KCNH7: variants seen among roughly 807,000 people sequenced by gnomAD.
KCNH7 encodes the protein potassium voltage-gated channel subfamily H member 7.
KCNH7 carries 49 observed loss-of-function variants against 120.8 expected under a neutral mutation model. That is an observed-to-expected ratio of 0.41 (90% CI 0.32 to 0.51). The LOEUF (loss-of-function observed/expected upper bound fraction) is 0.51, where lower values mean the gene tolerates loss of function less well. Ranked by LOEUF, KCNH7 falls within the 20% of genes least tolerant of loss-of-function variation. The pLI, the probability that KCNH7 is intolerant of heterozygous loss-of-function variation, is 0.38. For missense variants in KCNH7, 1,097 were observed against 1,446.6 expected, an observed-to-expected ratio of 0.76 and a Z score of 3.92; for synonymous variants, 547 against 516.1, an observed-to-expected ratio of 1.06 and a Z score of -0.81.
chr2:162,687,790 T>C (rs1685949512), intron 2 of KCNH7, among the ~76,000 whole-genome samples: 1 of 152,152 alleles, frequency 6.6e-6, no homozygotes, highest in South Asian at 2.1e-4. Flanking sequence ...TGTGCAAACA[T>C]CACTAGACTG....
intron 2 of KCNH7, among the ~76,000 whole-genome samples, chr2:162,719,968 G>T (rs190199415): frequency 2.0e-5 from 3 of 152,074 alleles, no homozygotes; most frequent in Admixed American, 2.0e-4. Flanking sequence ...GCCAAGAAAA[G>T]TCTCCAATCT....
intron 2 of KCNH7, among the ~76,000 whole-genome samples, chr2:162,555,984 T>C (rs1692842763): frequency 6.6e-6 from 1 of 152,104 alleles, no homozygotes; most frequent in South Asian, 2.1e-4. Context: ...ACAAATATTA[T>C]TAATAAATTA....
intron 3 of KCNH7, among the ~76,000 whole-genome samples, chr2:162,536,263 A>C (rs537619080): frequency 6.6e-6 from 1 of 152,084 alleles, no homozygotes. Flanking sequence ...AATTGACAAG[A>C]TAGAGAAAAA....
At chr2:162,643,933 G>A (rs376823998) in intron 2 of KCNH7, among the ~76,000 whole-genome samples, 28 of 151,990 alleles carry the variant, frequency 1.8e-4, no homozygotes, top group African/African-American at 6.8e-4. Flanking sequence ...GGGGATAAAG[G>A]GAACATTATA....
At chr2:162,757,164 TA>T (rs1443728490) in intron 2 of KCNH7, among the ~76,000 whole-genome samples, 2 of 152,282 alleles carry the variant, frequency 1.3e-5, no homozygotes. Flanking sequence ...GTAAAGCTGT[TA>T]AAAAATGTGG....
intron 2 of KCNH7, among the ~76,000 whole-genome samples, chr2:162,738,602 T>C (rs1346346745): frequency 6.6e-6 from 1 of 152,134 alleles, no homozygotes; most frequent in South Asian, 2.1e-4. Context: ...TGGAACTGAG[T>C]TGATGCTGAT....
chr2:162,808,789 T>C (rs762827289), intron 2 of KCNH7, among the ~76,000 whole-genome samples: 1 of 151,972 alleles, frequency 6.6e-6, no homozygotes, highest in Non-Finnish European at 1.5e-5. Context: ...CATAAAGAAA[T>C]TTTGGAATTA....
At position 162,741,682 on chromosome 2, in the gene KCNH7, T is replaced by A. The variant is rs567483073; in HGVS notation, c.307+94855A>T. 5.9e-5 allele frequency among the ~76,000 whole-genome samples: 9 copies of A among 152,260 alleles called. No homozygotes were observed. In the South Asian group the frequency reaches 1.9e-3, roughly 32 times the overall value. On this transcript the variant is annotated intron_variant, in intron 2 of 15. Transcript: ENST00000332142. The stretch of plus-strand genomic sequence containing the variant: ...TTCCCTTTTAAGAAATATGAATAAC[T>A]AGCAGTTCAAAACATAAACATAATG...
At chr2:162,528,397 T>G (rs1490381138) in intron 3 of KCNH7, 2 of 151,966 alleles carry the variant, frequency 1.3e-5, no homozygotes, top group Non-Finnish European at 2.9e-5. Context: ...GAGAAAGGTA[T>G]GAGGTATTAT....
intron 9 of KCNH7, among the ~76,000 whole-genome samples, chr2:162,417,646 A>T (rs1430069781): frequency 1.3e-5 from 2 of 152,124 alleles, no homozygotes; most frequent in African/African-American, 4.8e-5. Flanking sequence ...GCATACTGTC[A>T]TTATTTTTCT....
chr2:162,400,553 G>T, intron 9 of KCNH7, 112 bp from the exon 10 acceptor site: 1 of 1,023,752 alleles, frequency 9.8e-7, no homozygotes, highest in Non-Finnish European at 1.5e-6. Context: ...CCACGCAGGA[G>T]TTCCTACTAC....
At chr2:162,534,007 T>C (rs1307153973) in intron 3 of KCNH7, among the ~76,000 whole-genome samples, 1 of 151,384 alleles carries the variant, frequency 6.6e-6, no homozygotes, top group African/African-American at 2.4e-5. Flanking sequence ...CAGAAGTTTT[T>C]AACAAAAAAT....
At chr2:162,620,314 T>A (rs1326702835) in intron 2 of KCNH7, among the ~76,000 whole-genome samples, 1 of 151,802 alleles carries the variant, frequency 6.6e-6, no homozygotes, top group South Asian at 2.1e-4. Context: ...AACCCCATGA[T>A]CTCAAAGGTC....
At chr2:162,379,179 A>G (rs1283106755) in intron 14 of KCNH7, among the ~76,000 whole-genome samples, 1 of 152,196 alleles carries the variant, frequency 6.6e-6, no homozygotes. Flanking sequence ...CTAAAAGGCT[A>G]CTATTGGATC....
At chr2:162,701,668 C>T (rs887551014) in intron 2 of KCNH7, among the ~76,000 whole-genome samples, 1 of 152,038 alleles carries the variant, frequency 6.6e-6, no homozygotes, top group Admixed American at 6.6e-5. Context: ...TAAAATGAGG[C>T]TTAAGGGTTA....
chr2:162,794,049 A>G (rs1052155375), intron 2 of KCNH7, among the ~76,000 whole-genome samples: 1 of 152,046 alleles, frequency 6.6e-6, no homozygotes, highest in Non-Finnish European at 1.5e-5. Flanking sequence ...CAACTTAAAT[A>G]TATACAATAT....
At chr2:162,584,252 C>T (rs922563857) in intron 2 of KCNH7, among the ~76,000 whole-genome samples, 6 of 152,010 alleles carry the variant, frequency 3.9e-5, no homozygotes, top group Admixed American at 3.3e-4. Context: ...TTTCACACAC[C>T]CAAACTTGTG....
intron 2 of KCNH7, among the ~76,000 whole-genome samples, chr2:162,811,148 G>A (rs1247444373): frequency 6.6e-6 from 1 of 152,066 alleles, no homozygotes; most frequent in African/African-American, 2.4e-5. Context: ...TTAGAGTCAT[G>A]AATTGAATAC....
At chr2:162,372,419 T>G (rs1274334626) in intron 15 of KCNH7, among the ~76,000 whole-genome samples, 1 of 152,072 alleles carries the variant, frequency 6.6e-6, no homozygotes, top group Non-Finnish European at 1.5e-5. Flanking sequence ...GGATGAGGAA[T>G]GGGATCACTT....
Sources: allele counts gnomAD v4.1 joint callset (sites outside exome capture counted in the v4.1 genomes callset), GRCh38; gene constraint gnomAD v4.1.1; transcripts MANE v1.5; gene names NCBI Gene and HGNC (gene_info 2026-07-23, HGNC 2026-07-21).